The following UNC45B variants were observed in gnomAD, a reference collection of about 807,000 sequenced individuals.
UNC45B encodes unc-45 myosin chaperone B.
A neutral mutation model predicts 98.7 loss-of-function variants in UNC45B; 78 were observed. The observed-to-expected ratio is 0.79, with a 90% CI of 0.66 to 0.95. The LOEUF (loss-of-function observed/expected upper bound fraction) is 0.95, where lower values mean the gene tolerates loss of function less well. Ranked by LOEUF, UNC45B falls within the 40% of genes least tolerant of loss-of-function variation. The pLI is 0.00. For missense variants in UNC45B, 1,225 were observed against 1,184.9 expected (o/e 1.03, Z -0.50); for synonymous variants, 462 against 480.4 (o/e 0.96, Z 0.50).
chr17:35,152,553 T>C (rs1289943068), intron 4 of UNC45B, among the ~76,000 whole-genome samples: 8 of 152,256 alleles, frequency 5.3e-5, no homozygotes, highest in Admixed American at 4.6e-4. Flanking sequence ...ATTTCTGTTT[T>C]ATCCCTATTT....
At chr17:35,185,550 C>A (rs2092298762) in intron 19 of UNC45B, among the ~76,000 whole-genome samples, 1 of 152,110 alleles carries the variant, frequency 6.6e-6, no homozygotes, top group African/African-American at 2.4e-5. Flanking sequence ...TCATGCTCCG[C>A]CTGCCTCGGC....
At position 35,183,513 on chromosome 17, in the gene UNC45B, T is replaced by C; in HGVS notation, c.2460T>C (p.Asn820=). Residue 820 remains asparagine (N), a synonymous_variant, in exon 19 of 20, where the codon AAT becomes AAC. Transcript: ENST00000394570. ...LCGEDDDKVQ[N]AAAGALAMLT... ...GGGAGGATGATGATAAGGTGCAGAA[T>C]GCGGCTGCAGGGGCTCTGGCCATGC... 6.2e-7 allele frequency: 1 copy of C among 1,606,088 alleles called. No individual in the cohort carries two copies. The highest frequency in any genetic ancestry group is 8.5e-7 in the Non-Finnish European group (1 of 1,175,886).
rs755816336 is a variant in UNC45B, at chr17:35,171,387, T to A, written c.1755T>A (p.Asp585Glu). 4.3e-6 allele frequency: 7 copies of A among 1,614,172 alleles called. No homozygotes were observed. The South Asian group carries it at 6.6e-5, about 15-fold the overall frequency. Reference protein sequence around the residue: ...TTLVNCTNSYDVKEVIPELVQ... With the variant: ...TTLVNCTNSYEVKEVIPELVQ... ...TGGTGAACTGCACCAACAGCTACGATGTCAAGGAGGTCATCCCAGAGCTTG... is the reference window on the plus strand; with the variant it reads ...TGGTGAACTGCACCAACAGCTACGAAGTCAAGGAGGTCATCCCAGAGCTTG... The change falls in exon 13 of 20, where the codon GAT becomes GAA. Residue 585 changes from aspartate (D) to glutamate (E), a missense_variant. Transcript: ENST00000394570.
chr17:35,180,650 A>T lies in UNC45B; in HGVS notation c.2347A>T (p.Met783Leu). 1.2e-6 allele frequency: 2 copies of T among 1,613,794 alleles called. No individual in the cohort carries two copies. Among genetic ancestry groups the T allele is most frequent in the Non-Finnish European group, 1.7e-6 (2 of 1,179,940 alleles). ...DQLRQAATEC[M>L]CNMVLHKEVQ... ...GCTGCGGCAGGCGGCCACCGAGTGC[A>T]TGTGCAACATGGTGCTCCACAAGGA... is the stretch of plus-strand genomic sequence containing the variant. The change falls in exon 18 of 20, where the codon ATG becomes TTG. Residue 783 changes from methionine to leucine, a missense_variant. Transcript: ENST00000394570.
chr17:35,150,399 T>C (rs1014557032), intron 4 of UNC45B, among the ~76,000 whole-genome samples, 176 bp downstream of exon 4: 3 of 152,214 alleles, frequency 2.0e-5, no homozygotes, highest in Non-Finnish European at 4.4e-5. Flanking sequence ...GGTGCTTCTA[T>C]CTGTGATGCT....
In UNC45B at chr17:35,148,418, G is replaced by A. The variant is rs377025223; in HGVS notation, c.155G>A (p.Cys52Tyr). The A allele has an allele frequency of 5.0e-6, 8 of 1,613,758 alleles. No homozygotes were observed. The highest frequency in any genetic ancestry group is 5.9e-6 in the Non-Finnish European group (7 of 1,179,996). The change falls in exon 2 of 20, where the codon TGT becomes TAT. Residue 52 changes from cysteine to tyrosine, a missense_variant. Cys to Tyr is a radical substitution (Grantham distance 194). Transcript: ENST00000394570. Reference protein sequence around the residue: ...LATLYRNRAACGLKTESYVQA... With the variant: ...LATLYRNRAAYGLKTESYVQA... ...ACGCTTTATCGGAACCGGGCAGCCT[G>A]TGGCCTGAAAACGGTCTGGGGCAGG...
chr17:35,150,144 A>G lies in UNC45B; in HGVS notation c.302A>G (p.Gln101Arg), dbSNP rs986374813. The change falls in exon 4 of 20, where the codon CAG (glutamine) becomes CGG (arginine). Residue 101 changes from glutamine to arginine, a missense_variant. Gln to Arg is a conservative substitution (Grantham distance 43). Transcript: ENST00000394570. ...GKLDQAFKDV[Q>R]RCATLEPRNQ... The stretch of plus-strand genomic sequence containing the variant: ...CTGGACCAGGCCTTCAAAGACGTGC[A>G]GCGTTGTGCCACCCTCGAGCCACGG... 2 of 1,613,902 alleles carry G rather than the reference A, an allele frequency of 1.2e-6. No individual in the cohort carries two copies. The highest frequency in any genetic ancestry group is 1.7e-4 in the Middle Eastern group (1 of 6,060).
At chr17:35,165,388 T>C (rs1252884030) in intron 9 of UNC45B, among the ~76,000 whole-genome samples, 1 of 152,206 alleles carries the variant, frequency 6.6e-6, no homozygotes, top group Non-Finnish European at 1.5e-5. Flanking sequence ...TTGCAGTGAT[T>C]CCCAGACTTG....
chr17:35,150,011 C>T, intron 3 of UNC45B, 37 bp from the exon 4 acceptor site: 2 of 1,540,376 alleles, frequency 1.3e-6, no homozygotes, highest in Non-Finnish European at 1.7e-6. Flanking sequence ...TGTAGTCTGG[C>T]TCCCTAAGGT....
chr17:35,162,242 G>T (rs1413827864), intron 8 of UNC45B, among the ~76,000 whole-genome samples: 1 of 152,126 alleles, frequency 6.6e-6, no homozygotes, highest in Non-Finnish European at 1.5e-5. Flanking sequence ...TGGACTTGAG[G>T]CTGGCATCCG....
intron 17 of UNC45B, among the ~76,000 whole-genome samples, chr17:35,178,239 T>A (rs187248236): frequency 6.6e-6 from 1 of 152,336 alleles, no homozygotes; most frequent in East Asian, 1.9e-4. Context: ...CCATTCTAAC[T>A]GGCGTGAGAT....
intron 17 of UNC45B, among the ~76,000 whole-genome samples, chr17:35,179,281 A>AATTGG (rs1044224806): frequency 6.6e-6 from 1 of 152,116 alleles, no homozygotes; most frequent in Non-Finnish European, 1.5e-5. Context: ...ATCCCTTGTA[A>AATTGG]ATTGGATTCC....
intron 5 of UNC45B, among the ~76,000 whole-genome samples, chr17:35,153,413 A>G (rs2092035028): frequency 6.6e-6 from 1 of 152,248 alleles, no homozygotes; most frequent in African/African-American, 2.4e-5. Flanking sequence ...TCATTAAAAA[A>G]TATTGAAAGA....
chr17:35,186,738 T>C lies in UNC45B; in HGVS notation c.*179T>C. ...GTCTTCTCCTTTGTCCTGACAGAGT[T>C]TGGATGTTTCACTCTCTCTCTTGCT... On this transcript the variant is annotated 3_prime_UTR_variant, in exon 20 of 20. Coordinates refer to ENST00000394570, the MANE Select transcript of UNC45B (RefSeq NM_001267052.2). The C allele has an allele frequency of 1.5e-6, 1 of 656,840 alleles. No homozygotes were observed. Among genetic ancestry groups the C allele is most frequent in the South Asian group, 2.5e-5 (1 of 40,512 alleles). The allele number at this position is 656,840 out of a possible 1,614,324, so 40.7% of individuals were successfully genotyped here.
chr17:35,179,396 G>T (rs4796045), intron 17 of UNC45B, among the ~76,000 whole-genome samples: 1 of 151,934 alleles, frequency 6.6e-6, no homozygotes, highest in Non-Finnish European at 1.5e-5. Flanking sequence ...CAATCCCATT[G>T]CTGGGTATAT....
In UNC45B at chr17:35,149,389, G is replaced by GTTTGT. The variant is rs1283284246; in HGVS notation, c.205+394_205+398dup. Among the ~76,000 whole-genome samples the GTTTGT allele has an allele frequency of 3.9e-5, 6 of 151,940 alleles. No homozygotes were observed. The East Asian group carries it at 1.2e-3, about 29-fold the overall frequency. On this transcript the variant is annotated intron_variant, in intron 3 of 19. Transcript: ENST00000394570. ...CTGGCTGTCTTTTGTTGTTGTTGTT[G>GTTTGT]TTTGTTTTGTTTTGTTTTTTGGGTT...
intron 17 of UNC45B, among the ~76,000 whole-genome samples, chr17:35,179,806 C>T (rs748001670): frequency 4.9e-4 from 74 of 151,828 alleles, no homozygotes; most frequent in Non-Finnish European, 2.9e-4. Flanking sequence ...ATGTAAATGA[C>T]GAGTTGATGG....
intron 8 of UNC45B, among the ~76,000 whole-genome samples, chr17:35,160,362 T>C (rs2092094261): frequency 6.6e-6 from 1 of 152,258 alleles, no homozygotes; most frequent in South Asian, 2.1e-4. Flanking sequence ...TTTCTTGCCA[T>C]GATTCAGCTT....
rs2092031693 is a variant in UNC45B, at chr17:35,152,994, C to T, written c.471+12C>T. ...ATAAGCGGGAAAAGGTGAGTGCTGG[C>T]CAGTGCCATCCAGCCAGCAGAAGGA... On this transcript the variant is annotated intron_variant, in intron 5 of 19. Coordinates refer to ENST00000394570, the MANE Select transcript of UNC45B (RefSeq NM_001267052.2). The T allele has an allele frequency of 1.3e-6, 2 of 1,563,650 alleles. No homozygotes were observed. The highest frequency in any genetic ancestry group is 1.1e-5 in the South Asian group (1 of 87,148).
Sources: allele counts gnomAD v4.1 joint callset (sites outside exome capture counted in the v4.1 genomes callset), GRCh38; gene constraint gnomAD v4.1.1; transcripts MANE v1.5; gene names NCBI Gene and HGNC (gene_info 2026-07-23, HGNC 2026-07-21).